ALK: variants seen among roughly 807,000 people sequenced by gnomAD.
ALK encodes the protein ALK receptor tyrosine kinase.
ALK carries 74 observed loss-of-function variants against 163.1 expected under a neutral mutation model. That is an observed-to-expected ratio of 0.45 (90% confidence interval 0.38 to 0.55). The LOEUF (loss-of-function observed/expected upper bound fraction) is 0.55. Among genes scored for constraint, ALK ranks in the 20% least tolerant of loss-of-function variants. The pLI is 0.00. For missense variants in ALK, 2,063 were observed against 2,105.3 expected (o/e 0.98, Z 0.39); for synonymous variants, 960 against 843.2 (o/e 1.14, Z -2.40).
chr2:29,393,160 C>T (rs1669221593), intron 4 of ALK, among the ~76,000 whole-genome samples: 1 of 152,172 alleles, frequency 6.6e-6, no homozygotes, highest in Non-Finnish European at 1.5e-5. Context: ...GTCAGTTATG[C>T]TTATTCTGTC....
At chr2:29,546,913 T>C (rs1363418881) in intron 3 of ALK, among the ~76,000 whole-genome samples, 1 of 152,176 alleles carries the variant, frequency 6.6e-6, no homozygotes, top group Non-Finnish European at 1.5e-5. Context: ...AGAAGGAGCA[T>C]GGAACGTGGG....
chr2:29,552,210 C>T (rs760684036), intron 3 of ALK, among the ~76,000 whole-genome samples: 33 of 152,198 alleles, frequency 2.2e-4, no homozygotes, highest in Non-Finnish European at 4.6e-4. Context: ...TTTTTAAGGT[C>T]ATGGTATGTG....
At chr2:29,391,151 T>C (rs575568898) in intron 4 of ALK, among the ~76,000 whole-genome samples, 1 of 152,178 alleles carries the variant, frequency 6.6e-6, no homozygotes, top group South Asian at 2.1e-4. Context: ...ATCAGAGATG[T>C]TATGTGGGTG....
At chr2:29,617,731 T>C (rs936724445) in intron 3 of ALK, among the ~76,000 whole-genome samples, 1 of 152,180 alleles carries the variant, frequency 6.6e-6, no homozygotes. Context: ...CTATCTTCCC[T>C]ACTATCTCCC....
At chr2:29,228,770 T>A in intron 16 of ALK, 114 bp downstream of exon 16, 1 of 725,256 alleles carries the variant, frequency 1.4e-6, no homozygotes, top group Non-Finnish European at 2.5e-6. Context: ...TGCAGTCACA[T>A]CACAGTCCAC....
intron 1 of ALK, among the ~76,000 whole-genome samples, chr2:29,764,182 C>T (rs1050228863): frequency 3.9e-5 from 6 of 152,292 alleles, no homozygotes; most frequent in South Asian, 2.1e-4. Context: ...GCATTCATTA[C>T]ATGTGTCCAA....
At chr2:29,339,586 C>T (rs530950218) in intron 5 of ALK, among the ~76,000 whole-genome samples, 4 of 152,202 alleles carry the variant, frequency 2.6e-5, no homozygotes, top group South Asian at 4.2e-4. Context: ...TGAGTGATTC[C>T]GGAAGAATGG....
intron 4 of ALK, among the ~76,000 whole-genome samples, chr2:29,406,429 C>A (rs1669586249): frequency 6.6e-6 from 1 of 152,164 alleles, no homozygotes; most frequent in Non-Finnish European, 1.5e-5. Flanking sequence ...CTGAGATATT[C>A]CCAGCCTGTC....
At chr2:29,886,598 C>A (rs532543646) in intron 1 of ALK, among the ~76,000 whole-genome samples, 1 of 152,368 alleles carries the variant, frequency 6.6e-6, no homozygotes, top group Non-Finnish European at 1.5e-5. Flanking sequence ...GCTAACACTA[C>A]CTTGTCAGGA....
chr2:29,799,409 A>T (rs973769077), intron 1 of ALK, among the ~76,000 whole-genome samples: 3 of 152,166 alleles, frequency 2.0e-5, no homozygotes, highest in African/African-American at 7.2e-5. Context: ...GCTCACACCT[A>T]TAATCTCAGT....
chr2:29,634,918 T>C (rs1676478784), intron 3 of ALK, among the ~76,000 whole-genome samples: 1 of 152,182 alleles, frequency 6.6e-6, no homozygotes, highest in Non-Finnish European at 1.5e-5. Flanking sequence ...CTCCTACAAC[T>C]AATAAGTGAA....
At chr2:29,889,700 A>G (rs1206265235) in intron 1 of ALK, among the ~76,000 whole-genome samples, 3 of 2,420 alleles carry the variant, frequency 1.2e-3, no homozygotes, top group Non-Finnish European at 3.5e-3. Flanking sequence ...ATAGACAGAG[A>G]GAGAGAGAGA....
At chr2:29,808,405 T>C (rs1664672521) in intron 1 of ALK, among the ~76,000 whole-genome samples, 2 of 152,286 alleles carry the variant, frequency 1.3e-5, no homozygotes, top group South Asian at 4.1e-4. Flanking sequence ...CCCAAGAGTC[T>C]CAGTCCCTCC....
chr2:29,498,064 G>A (rs13432702), intron 4 of ALK, among the ~76,000 whole-genome samples: 34,037 of 151,928 alleles, frequency 0.22, 4,150 homozygotes, highest in East Asian at 0.31. Flanking sequence ...CTCTCATTTG[G>A]CCAAATGCAT....
At chr2:29,290,818 C>G (rs374392175) in intron 9 of ALK, among the ~76,000 whole-genome samples, 1 of 151,950 alleles carries the variant, frequency 6.6e-6, no homozygotes, top group Non-Finnish European at 1.5e-5. Flanking sequence ...AAAGGCATGC[C>G]GGAGTGGGAG....
At chr2:29,503,196 G>A (rs550815304) in intron 4 of ALK, among the ~76,000 whole-genome samples, 6 of 152,324 alleles carry the variant, frequency 3.9e-5, no homozygotes, top group African/African-American at 9.6e-5. Context: ...ACTGACTTAT[G>A]AGATAGATAG....
At position 29,512,953 on chromosome 2, in the gene ALK, G is replaced by A. The variant is rs902934637; in HGVS notation, c.1154+18962C>T. Among the ~76,000 whole-genome samples the A allele has an allele frequency of 1.5e-4, 23 of 151,068 alleles. No homozygotes were observed. In the South Asian group the frequency reaches 1.7e-3, roughly 11 times the overall value. Reference sequence around the variant, plus strand: ...AATCCACCTTACAAGGGACGTGAAGGACCTCTTCAAGGAGAACTACAAACC... The same window carrying A: ...AATCCACCTTACAAGGGACGTGAAGAACCTCTTCAAGGAGAACTACAAACC... On this transcript the variant is annotated intron_variant, in intron 4 of 28. Coordinates refer to ENST00000389048, the MANE Select transcript of ALK (RefSeq NM_004304.5).
intron 8 of ALK, among the ~76,000 whole-genome samples, chr2:29,302,497 G>C (rs984139782): frequency 6.6e-6 from 1 of 152,136 alleles, no homozygotes; most frequent in Non-Finnish European, 1.5e-5. Context: ...CAGCCTGGGG[G>C]ACAAGAGCAA....
At chr2:29,455,098 C>G (rs1281638480) in intron 4 of ALK, among the ~76,000 whole-genome samples, 1 of 152,120 alleles carries the variant, frequency 6.6e-6, no homozygotes, top group Admixed American at 6.5e-5. Flanking sequence ...TTCTTCGCCC[C>G]ATCTTTCATG....
Sources: allele counts gnomAD v4.1 joint callset (sites outside exome capture counted in the v4.1 genomes callset), GRCh38; gene constraint gnomAD v4.1.1; transcripts MANE v1.5; gene names NCBI Gene and HGNC (gene_info 2026-07-23, HGNC 2026-07-21).